The following FILIP1L variants were observed in gnomAD, a reference collection of about 807,000 sequenced individuals.
FILIP1L encodes the protein filamin A interacting protein 1 like.
A neutral mutation model predicts 96.6 loss-of-function variants in FILIP1L; 55 were observed. The ratio of observed to expected loss-of-function variants is 0.57; its 90% CI spans 0.46 to 0.71. FILIP1L has a LOEUF of 0.71. Among genes scored for constraint, FILIP1L ranks in the 30% least tolerant of loss-of-function variants. The probability of loss-of-function intolerance (pLI) is 0.00; values close to 1 mark genes in which losing one functional copy is unlikely to be tolerated. For synonymous variants in FILIP1L, 467 were observed against 473.9 expected (o/e 0.99, Z 0.19); for missense variants, 1,304 against 1,321.2 (o/e 0.99, Z 0.20).
intron 1 of FILIP1L, among the ~76,000 whole-genome samples, chr3:99,963,236 T>A (rs1419512504): frequency 6.6e-6 from 1 of 152,184 alleles, no homozygotes; most frequent in African/African-American, 2.4e-5. Context: ...CCCAGAATAG[T>A]GTGTGGTTTT....
intron 1 of FILIP1L, among the ~76,000 whole-genome samples, chr3:99,936,235 A>G (rs1452392187): frequency 1.3e-5 from 2 of 152,046 alleles, no homozygotes; most frequent in Admixed American, 1.3e-4. Context: ...AAACTACTCC[A>G]ATTTAGAGAA....
chr3:100,072,269 ATG>A (rs1241834941), intron 1 of FILIP1L, among the ~76,000 whole-genome samples: 1 of 152,192 alleles, frequency 6.6e-6, no homozygotes, highest in Non-Finnish European at 1.5e-5. Flanking sequence ...CAGAAATAGA[ATG>A]TGTGTAAAAT....
chr3:99,970,192 G>T (rs1260951888), intron 1 of FILIP1L, among the ~76,000 whole-genome samples: 1 of 152,202 alleles, frequency 6.6e-6, no homozygotes, highest in African/African-American at 2.4e-5. Flanking sequence ...TTTTGCAGCT[G>T]AGAAAGTGAA....
chr3:100,068,785 G>T (rs927311585), intron 1 of FILIP1L, among the ~76,000 whole-genome samples: 2 of 152,086 alleles, frequency 1.3e-5, no homozygotes, highest in Admixed American at 1.3e-4. Flanking sequence ...CCACCACCAT[G>T]CCCAGCTAAT....
At chr3:99,832,324 G>A (rs1942700205) in intron 5 of FILIP1L, among the ~76,000 whole-genome samples, 2 of 147,758 alleles carry the variant, frequency 1.4e-5, no homozygotes, top group South Asian at 2.2e-4. Context: ...TCCGCCTCCC[G>A]GGCTCCCGCC....
chr3:99,942,201 CAA>C (rs968127559), intron 1 of FILIP1L, among the ~76,000 whole-genome samples: 8 of 119,152 alleles, frequency 6.7e-5, no homozygotes, highest in Admixed American at 8.6e-5. Context: ...GACTCCATCT[CAA>C]AAAAAAAAAA....
At chr3:99,862,726 T>A (rs1944323237) in intron 4 of FILIP1L, among the ~76,000 whole-genome samples, 1 of 152,216 alleles carries the variant, frequency 6.6e-6, no homozygotes, top group South Asian at 2.1e-4. Flanking sequence ...GGGTAGACTG[T>A]TAGATTCTTT....
At position 99,828,847 on chromosome 3, in the gene FILIP1L, G is replaced by A. The variant is rs1942588459; in HGVS notation, c.*1567C>T. Among the ~76,000 whole-genome samples, 1 of 151,714 alleles carries A rather than the reference G, an allele frequency of 6.6e-6. No homozygotes were observed. The highest frequency in any genetic ancestry group is 2.1e-4 in the South Asian group (1 of 4,788). ...TCCATTTCAGGCTTTTAATTCACTT[G>A]ACCTCCCCCTACTGCCCTCTGCCAC... On this transcript the variant is annotated 3_prime_UTR_variant, in exon 6 of 6. Transcript: ENST00000477258.
At chr3:99,858,290 C>G (rs955789201) in intron 4 of FILIP1L, among the ~76,000 whole-genome samples, 1 of 151,934 alleles carries the variant, frequency 6.6e-6, no homozygotes, top group African/African-American at 2.4e-5. Flanking sequence ...ATGGTGAAAC[C>G]CTGTCTCCAC....
At chr3:99,911,544 G>A (rs1706789068) in intron 4 of FILIP1L, among the ~76,000 whole-genome samples, 1 of 151,822 alleles carries the variant, frequency 6.6e-6, no homozygotes, top group African/African-American at 2.4e-5. Context: ...TGTATGCCCT[G>A]GCTCTAAAAT....
In FILIP1L at chr3:99,936,415, G is replaced by A. The variant is rs999485528; in HGVS notation, c.-10-5385C>T. Among the ~76,000 whole-genome samples, 32 of 125,316 alleles carry A rather than the reference G, an allele frequency of 2.6e-4. No homozygotes were observed. In the East Asian group the frequency reaches 5.6e-3, roughly 22 times the overall value. 82.2% of individuals were successfully genotyped at this position (125,316 alleles called of 152,430 possible). A position where few individuals can be genotyped will look rare whatever the true frequency, so the allele number is the denominator to read the frequency against. ...TTTTGTGACAGCATCTCACACTGTCGCCCAGGCTAGAGTGCAGTGGCACGA... is the reference window on the plus strand; with the variant it reads ...TTTTGTGACAGCATCTCACACTGTCACCCAGGCTAGAGTGCAGTGGCACGA... On this transcript the variant is annotated intron_variant, in intron 1 of 5. Transcript: ENST00000477258.
At chr3:99,903,698 C>T (rs1051581725) in intron 4 of FILIP1L, among the ~76,000 whole-genome samples, 5 of 152,092 alleles carry the variant, frequency 3.3e-5, no homozygotes, top group African/African-American at 1.2e-4. Flanking sequence ...TAACAGGACC[C>T]TACACAACAT....
At chr3:99,945,950 A>G (rs558933803) in intron 1 of FILIP1L, among the ~76,000 whole-genome samples, 1 of 152,332 alleles carries the variant, frequency 6.6e-6, no homozygotes, top group East Asian at 1.9e-4. Flanking sequence ...ACTCATTCAT[A>G]GCTGTTTTCA....
At chr3:100,032,770 A>C (rs903611911) in intron 1 of FILIP1L, among the ~76,000 whole-genome samples, 1 of 152,222 alleles carries the variant, frequency 6.6e-6, no homozygotes, top group Admixed American at 6.5e-5. Flanking sequence ...CAATTGCATA[A>C]ATGGTAATGC....
At chr3:99,983,751 G>C (rs1006740185) in intron 1 of FILIP1L, among the ~76,000 whole-genome samples, 1 of 150,442 alleles carries the variant, frequency 6.6e-6, no homozygotes. Flanking sequence ...GTTTCCAACT[G>C]TTCAGACCCC....
At chr3:99,877,866 CT>C (rs149579221) in intron 4 of FILIP1L, among the ~76,000 whole-genome samples, 241 of 152,280 alleles carry the variant, frequency 1.6e-3, no homozygotes, top group African/African-American at 5.5e-3. Flanking sequence ...TACCCCAAAG[CT>C]AACAGTTTTG....
intron 1 of FILIP1L, among the ~76,000 whole-genome samples, chr3:99,974,139 C>A (rs1429976248): frequency 6.6e-6 from 1 of 152,202 alleles, no homozygotes; most frequent in Non-Finnish European, 1.5e-5. Context: ...CTAAATCCTT[C>A]TAATTGCTTG....
Position 99,849,449 on chromosome 3 carries a change from G to A in FILIP1L, c.2227C>T (p.His743Tyr). The change falls in exon 5 of 6, where the codon CAC (histidine) becomes TAC (tyrosine). Residue 743 changes from histidine (H) to tyrosine (Y), a missense_variant. By Grantham distance (83) the His-to-Tyr change is moderately conservative. Transcript: ENST00000477258. ...TTTAGTTTTTTTTGCAGGACTGAGT[G>A]ATCTCCCTGGAGGTGACATATTAGG... Reference protein sequence around the residue: ...EDLICHLQGDHSVLQKKLNQQ... With the variant: ...EDLICHLQGDYSVLQKKLNQQ... The A allele has an allele frequency of 1.9e-6, 3 of 1,614,052 alleles. No homozygotes were observed. Among genetic ancestry groups the A allele is most frequent in the Non-Finnish European group, 2.5e-6 (3 of 1,179,984 alleles).
rs191694299 is a variant in FILIP1L, at chr3:100,084,577, G to A, written c.-11+29476C>T. ...GGGAAGTAAGAACCTTATGATAGCC[G>A]TGTCTCTTAAACAGAGCTTTATAAA... On this transcript the variant is annotated intron_variant, in intron 1 of 5. Transcript: ENST00000477258. Among the ~76,000 whole-genome samples, 188 of 152,290 alleles carry A rather than the reference G, an allele frequency of 1.2e-3. 1 individual carries two copies. Among genetic ancestry groups the A allele is most frequent in the African/African-American group, 4.3e-3 (180 of 41,570 alleles).
Sources: gnomAD v4.1 joint callset for allele counts (sites outside exome capture counted in the v4.1 genomes callset) on GRCh38, gnomAD v4.1.1 for gene constraint, MANE v1.5 for transcripts, NCBI Gene and HGNC (gene_info 2026-07-23, HGNC 2026-07-21) for gene names.